Variants in SH3TC2 observed in about 807,000 individuals in gnomAD.
SH3TC2 encodes the protein SH3 domain and tetratricopeptide repeats 2.
A neutral mutation model predicts 124.5 loss-of-function variants in SH3TC2; 87 were observed. The ratio of observed to expected loss-of-function variants is 0.70; its 90% CI spans 0.59 to 0.84. The LOEUF (loss-of-function observed/expected upper bound fraction) is 0.84, where lower values mean the gene tolerates loss of function less well. SH3TC2 is among the 40% of genes least tolerant of loss of function. SH3TC2 has a pLI of 0.00. For synonymous variants in SH3TC2, 634 were observed against 628.5 expected, an observed-to-expected ratio of 1.01 and a Z score of -0.13; for missense variants, 1,536 against 1,566.4, an observed-to-expected ratio of 0.98 and a Z score of 0.33.
Position 149,026,900 on chromosome 5 carries a change from T to C in SH3TC2, c.2832A>G (p.Glu944=). The change falls in exon 11 of 17, where the codon GAA becomes GAG. Residue 944 remains glutamate (E), a synonymous_variant. Transcript: ENST00000515425. ...HQLTHGLLCY[E]MALLFGLRHR... ...GCCTTAAGCCAAACAGCAATGCCAT[T>C]TCATAACAAAGAAGGCCATGGGTCA... 1 of 1,614,174 alleles carries C rather than the reference T, an allele frequency of 6.2e-7. No homozygotes were observed. Among genetic ancestry groups the C allele is most frequent in the Middle Eastern group, 1.6e-4 (1 of 6,062 alleles).
chr5:149,038,299 G>C lies in SH3TC2; in HGVS notation c.997C>G (p.Pro333Ala). 1 of 1,613,834 alleles carries C rather than the reference G, an allele frequency of 6.2e-7. No homozygotes were observed. The highest frequency in any genetic ancestry group is 2.2e-5 in the East Asian group (1 of 44,876). Residue 333 changes from proline to alanine, a missense_variant, in exon 8 of 17, where the codon CCA (proline) becomes GCA (alanine). This residue lies in a region of SH3TC2 where 1,102 missense variants were observed against 1,098.6 expected (regional missense o/e 1.00). Coordinates refer to ENST00000515425, the MANE Select transcript of SH3TC2 (RefSeq NM_024577.4). Reference sequence around the variant, plus strand: ...ATGCTCACTGTCAATACTCACATTGGGGAATAAGAATCAGGATCTATGTTC... The same window carrying C: ...ATGCTCACTGTCAATACTCACATTGCGGAATAAGAATCAGGATCTATGTTC... Reference protein sequence around the residue: ...TRNIDPDSYSPMSRNSAFLSD... With the variant: ...TRNIDPDSYSAMSRNSAFLSD...
intron 7 of SH3TC2, 129 bp from the exon 8 acceptor site, chr5:149,038,619 C>T (rs1409696678): frequency 2.1e-6 from 2 of 945,448 alleles, no homozygotes; most frequent in Non-Finnish European, 1.7e-6. Flanking sequence ...CATTTCACTC[C>T]CCTCCCCACC....
chr5:149,020,727 G>T (rs1469309144), intron 12 of SH3TC2, among the ~76,000 whole-genome samples: 1 of 152,118 alleles, frequency 6.6e-6, no homozygotes, highest in African/African-American at 2.4e-5. Flanking sequence ...ATTTTATAAT[G>T]ATAATAGACT....
At chr5:149,023,750 CT>C (rs1754017598) in intron 12 of SH3TC2, among the ~76,000 whole-genome samples, 1 of 151,590 alleles carries the variant, frequency 6.6e-6, no homozygotes, top group Non-Finnish European at 1.5e-5. Context: ...GCCTGGCTAA[CT>C]TTTTTGTATC....
At chr5:149,057,963 G>T (rs2127404870) in intron 1 of SH3TC2, among the ~76,000 whole-genome samples, 1 of 152,314 alleles carries the variant, frequency 6.6e-6, no homozygotes, top group African/African-American at 2.4e-5. Context: ...CACACTTAGT[G>T]ATTTCTTTTC....
chr5:149,061,315 G>A (rs1343464772), intron 1 of SH3TC2, among the ~76,000 whole-genome samples: 2 of 152,184 alleles, frequency 1.3e-5, no homozygotes, highest in African/African-American at 2.4e-5. Context: ...TAGAAGCAGA[G>A]CCGCTCTAGG....
rs1425956859 is a variant in SH3TC2 at position 148,992,532 on chromosome 5, G to A, written c.*12179C>T. ...TCATCATCCTTGGGCGTGCATTAAA[G>A]GGTCCATGAGGCCTTTGAAAGTATG... On this transcript the variant is annotated 3_prime_UTR_variant, in exon 17 of 17. Coordinates refer to ENST00000515425, the MANE Select transcript of SH3TC2 (RefSeq NM_024577.4). Among the ~76,000 whole-genome samples, 1 of 151,188 alleles carries A rather than the reference G, an allele frequency of 6.6e-6. No individual in the cohort carries two copies. Among genetic ancestry groups the A allele is most frequent in the Non-Finnish European group, 1.5e-5 (1 of 67,926 alleles).
chr5:149,017,762 C>T (rs1412479697), intron 12 of SH3TC2, among the ~76,000 whole-genome samples: 3 of 152,200 alleles, frequency 2.0e-5, no homozygotes, highest in Non-Finnish European at 2.9e-5. Context: ...TAGCCTTCCA[C>T]ACCTATTTCT....
intron 12 of SH3TC2, among the ~76,000 whole-genome samples, chr5:149,016,339 T>C (rs1373230540): frequency 1.3e-5 from 2 of 152,236 alleles, no homozygotes; most frequent in Non-Finnish European, 2.9e-5. Context: ...GCTCAGATAT[T>C]AGCACTTGGG....
chr5:149,033,372 C>G (rs192893911), intron 8 of SH3TC2, among the ~76,000 whole-genome samples: 84 of 152,188 alleles, frequency 5.5e-4, no homozygotes, highest in African/African-American at 2.0e-3. Flanking sequence ...GGGCCACTCT[C>G]CCCCATATCT....
chr5:149,028,168 G>C lies in SH3TC2; in HGVS notation c.1564C>G (p.His522Asp). Residue 522 changes from histidine (H) to aspartate (D), a missense_variant, in exon 11 of 17, where the codon CAC becomes GAC. By Grantham distance (81) the His-to-Asp change is moderately conservative (BLOSUM62 -1). This residue lies in a region of SH3TC2 where 1,102 missense variants were observed against 1,098.6 expected (regional missense o/e 1.00). Coordinates refer to ENST00000515425, the MANE Select transcript of SH3TC2 (RefSeq NM_024577.4). Reference protein sequence around the residue: ...EASRKWAKKSHMTWAHARLCF... With the variant: ...EASRKWAKKSDMTWAHARLCF... ...AGACGGGCATGGGCCCAGGTCATGT[G>C]GCTCTTCTTGGCCCACTTTCTTGAT... 6.2e-7 allele frequency: 1 copy of C among 1,614,116 alleles called. No individual in the cohort carries two copies.
intron 12 of SH3TC2, chr5:149,025,694 AT>A (rs1486990486): frequency 6.6e-6 from 1 of 152,254 alleles, no homozygotes; most frequent in Non-Finnish European, 1.5e-5. Flanking sequence ...TGAAGAAACA[AT>A]GAAGAGAAAA....
At chr5:149,026,485 A>T (rs1389899336) in intron 12 of SH3TC2, 87 bp downstream of exon 12, 2 of 1,538,270 alleles carry the variant, frequency 1.3e-6, no homozygotes, top group Non-Finnish European at 1.8e-6. Context: ...TACCATGTAC[A>T]TTTGGACTTG....
chr5:149,006,216 G>T (rs1753686331), intron 16 of SH3TC2: 1 of 157,794 alleles, frequency 6.3e-6, no homozygotes, highest in African/African-American at 2.4e-5. Flanking sequence ...CCAAGATTGA[G>T]CCATGCTACT....
intron 2 of SH3TC2, 94 bp from the exon 3 acceptor site, chr5:149,048,083 C>T: frequency 1.3e-6 from 2 of 1,546,296 alleles, no homozygotes; most frequent in Non-Finnish European, 1.8e-6. Flanking sequence ...ACATGTATAC[C>T]TGAACCCTCA....
In SH3TC2 at chr5:149,052,350, G is replaced by T. The variant is rs565834606; in HGVS notation, c.53-110C>A. ...TGACAAATTTTTTCCAGGATTAGTG[G>T]CATGGAAGAATTCTAATTGTTATCA... is the stretch of plus-strand genomic sequence containing the variant. On this transcript the variant is annotated intron_variant, in intron 1 of 16. Transcript: ENST00000515425. 6 of 776,536 alleles carry T rather than the reference G, an allele frequency of 7.7e-6. No individual in the cohort carries two copies. The African/African-American group carries it at 1.0e-4, about 13-fold the overall frequency. The allele number at this position is 776,536 out of a possible 1,614,324, so 48.1% of individuals were successfully genotyped here. A position where few individuals can be genotyped will look rare whatever the true frequency, so the allele number is the denominator to read the frequency against.
Position 149,027,636 on chromosome 5 carries a change from T to C in SH3TC2, c.2096A>G (p.Gln699Arg), listed in dbSNP as rs747615941. The C allele has an allele frequency of 6.2e-7, 1 of 1,614,254 alleles. No homozygotes were observed. The highest frequency in any genetic ancestry group is 2.2e-5 in the East Asian group (1 of 44,880). ...AGGAAGAGACATCCCTTGGGCACTCTGGATACCATGTTGCTGGACAGAGGC... is the reference window on the plus strand; with the variant it reads ...AGGAAGAGACATCCCTTGGGCACTCCGGATACCATGTTGCTGGACAGAGGC... ...AVASVQQHGI[Q>R]SAQGMSLPIW... The change falls in exon 11 of 17, where the codon CAG (glutamine) becomes CGG (arginine). Residue 699 changes from glutamine to arginine, a missense_variant. Coordinates refer to ENST00000515425, the MANE Select transcript of SH3TC2 (RefSeq NM_024577.4).
At chr5:149,042,916 C>T in intron 4 of SH3TC2, 79 bp from the exon 5 acceptor site, 1 of 1,562,452 alleles carries the variant, frequency 6.4e-7, no homozygotes, top group East Asian at 2.3e-5. Context: ...GAGAAAATTC[C>T]CTCCTGAGCT....
Position 148,998,964 on chromosome 5 carries a change from G to A in SH3TC2, c.*5747C>T, listed in dbSNP as rs886060166. Among the ~76,000 whole-genome samples the A allele has an allele frequency of 1.3e-5, 2 of 152,084 alleles. No individual in the cohort carries two copies. The highest frequency in any genetic ancestry group is 2.9e-5 in the Non-Finnish European group (2 of 68,020). On this transcript the variant is annotated 3_prime_UTR_variant, in exon 17 of 17. Coordinates refer to ENST00000515425, the MANE Select transcript of SH3TC2 (RefSeq NM_024577.4). The stretch of plus-strand genomic sequence containing the variant: ...GCACCCCTAACATACACACCCTCCC[G>A]CTTAACGGTGTGGGACCCAGGAATA...
Sources: gnomAD v4.1 joint callset for allele counts (sites outside exome capture counted in the v4.1 genomes callset) on GRCh38, gnomAD v4.1.1 for gene constraint, gnomAD v4.1.1 regional missense constraint, MANE v1.5 for transcripts, NCBI Gene and HGNC (gene_info 2026-07-23, HGNC 2026-07-21) for gene names.